The following ARHGEF3 variants were observed in gnomAD, a reference collection of about 807,000 sequenced individuals.
ARHGEF3 encodes 59.8 kDA protein.
In ARHGEF3, 28 loss-of-function variants were observed where a neutral mutation model predicts 63.2. The ratio of observed to expected loss-of-function variants is 0.44; its 90% CI spans 0.33 to 0.61. ARHGEF3 has a LOEUF of 0.61. Ranked by LOEUF, ARHGEF3 falls within the 20% of genes least tolerant of loss-of-function variation. The probability of loss-of-function intolerance (pLI) is 0.03; values close to 1 mark genes in which losing one functional copy is unlikely to be tolerated. For missense variants in ARHGEF3, 533 were observed against 659.3 expected, an observed-to-expected ratio of 0.81 and a Z score of 2.10; for synonymous variants, 266 against 254.2, an observed-to-expected ratio of 1.05 and a Z score of -0.44.
At chr3:57,043,916 C>T (rs7647162) in intron 1 of ARHGEF3, among the ~76,000 whole-genome samples, 113,763 of 152,208 alleles carry the variant, frequency 0.75, 43,144 homozygotes, top group East Asian at 0.94. Flanking sequence ...CATCCCTGGA[C>T]GCCAAACACT....
intron 7 of ARHGEF3, among the ~76,000 whole-genome samples, chr3:56,743,916 G>A (rs1316682888): frequency 2.0e-5 from 3 of 152,064 alleles, no homozygotes; most frequent in African/African-American, 7.2e-5. Flanking sequence ...TCTACCAAGA[G>A]TATGTGTCCA....
intron 2 of ARHGEF3, among the ~76,000 whole-genome samples, chr3:56,764,568 C>T (rs2035599650): frequency 6.6e-6 from 1 of 152,052 alleles, no homozygotes; most frequent in African/African-American, 2.4e-5. Context: ...ACCTTGGGTA[C>T]AATTTTAAAC....
At chr3:56,746,255 GCTCT>G (rs1466167177) in intron 6 of ARHGEF3, among the ~76,000 whole-genome samples, 1 of 152,202 alleles carries the variant, frequency 6.6e-6, no homozygotes, top group Non-Finnish European at 1.5e-5. Flanking sequence ...TGTAACACCT[GCTCT>G]TCAGAGGGAT....
At chr3:57,049,884 C>T (rs536597070) in intron 1 of ARHGEF3, among the ~76,000 whole-genome samples, 67 of 152,304 alleles carry the variant, frequency 4.4e-4, no homozygotes, top group Non-Finnish European at 8.8e-4. Context: ...TGCAAGGGCA[C>T]TACATTAATC....
At chr3:56,890,155 C>T (rs567835504) in intron 3 of ARHGEF3, among the ~76,000 whole-genome samples, 1 of 152,270 alleles carries the variant, frequency 6.6e-6, no homozygotes, top group South Asian at 2.1e-4. Flanking sequence ...ACCTACATAC[C>T]TCAAAGAAAC....
chr3:56,729,081 G>C lies in ARHGEF3; in HGVS notation c.*189C>G. On this transcript the variant is annotated 3_prime_UTR_variant, in exon 10 of 10. Coordinates refer to ENST00000296315, the MANE Select transcript of ARHGEF3 (RefSeq NM_019555.3). ...ACAACACAGGGTAATAGTTGCCACA[G>C]ATTCCAGCTTACACAGACAGATTGG... The C allele has an allele frequency of 1.7e-6, 1 of 579,022 alleles. No individual in the cohort carries two copies. Among genetic ancestry groups the C allele is most frequent in the Non-Finnish European group, 3.0e-6 (1 of 331,720 alleles). 35.9% of individuals were successfully genotyped at this position (579,022 alleles called of 1,614,324 possible). A position where few individuals can be genotyped will look rare whatever the true frequency, so the allele number is the denominator to read the frequency against.
In ARHGEF3 at chr3:56,992,401, A is replaced by AC. The variant is rs1560113717; in HGVS notation, c.63-33513_63-33512insG. On this transcript the variant is annotated intron_variant, in intron 2 of 12. Transcript: ENST00000338458. ...AAAAAAAAAAAAAAAAAAAAAAAAA[A>AC]AAAAAAAAAAAAACAGAAAGAAGGT... 1.6e-4 allele frequency among the ~76,000 whole-genome samples: 23 copies of AC among 143,066 alleles called. 1 individual carries two copies. The highest frequency in any genetic ancestry group is 3.5e-4 in the Non-Finnish European group (23 of 66,170). 93.9% of individuals were successfully genotyped at this position (143,066 alleles called of 152,430 possible).
chr3:56,826,150 A>G (rs2038706054), intron 4 of ARHGEF3, among the ~76,000 whole-genome samples: 1 of 152,236 alleles, frequency 6.6e-6, no homozygotes, highest in South Asian at 2.1e-4. Context: ...CAACAAGGAA[A>G]AATGAAAGCT....
rs1303997831 is a variant in ARHGEF3 at position 56,883,985 on chromosome 3, T to G, written c.130-1631A>C. 5.0e-4 allele frequency among the ~76,000 whole-genome samples: 76 copies of G among 152,218 alleles called. 2 individuals carry two copies. Among genetic ancestry groups the G allele is most frequent in the Admixed American group, 5.0e-3 (76 of 15,288 alleles). On this transcript the variant is annotated intron_variant, in intron 3 of 12. Transcript: ENST00000338458. Reference sequence around the variant, plus strand: ...ACAAAGGTTTGTTGAGCATTTACTATGTGCTGGGCCCTGTGTTCACTCCCA... The same window carrying G: ...ACAAAGGTTTGTTGAGCATTTACTAGGTGCTGGGCCCTGTGTTCACTCCCA...
intron 3 of ARHGEF3, among the ~76,000 whole-genome samples, chr3:56,896,737 C>T (rs1457490057): frequency 6.6e-6 from 1 of 152,192 alleles, no homozygotes; most frequent in South Asian, 2.1e-4. Context: ...ATTCAGGTTG[C>T]ACATTCTAAA....
chr3:57,011,454 T>C (rs140323497), intron 2 of ARHGEF3, among the ~76,000 whole-genome samples: 1 of 152,222 alleles, frequency 6.6e-6, no homozygotes, highest in African/African-American at 2.4e-5. Context: ...TGTCTGGAGA[T>C]ATTTTCTTTT....
intron 1 of ARHGEF3, among the ~76,000 whole-genome samples, chr3:57,059,177 A>G (rs985993161): frequency 6.6e-6 from 1 of 152,156 alleles, no homozygotes; most frequent in Admixed American, 6.5e-5. Flanking sequence ...ATGCAATCAT[A>G]CTTAACTATG....
chr3:57,078,060 CAG>C (rs545276284), intron 1 of ARHGEF3, among the ~76,000 whole-genome samples: 2 of 152,152 alleles, frequency 1.3e-5, no homozygotes, highest in Non-Finnish European at 2.9e-5. Context: ...GCAGCTAACA[CAG>C]AGGATTTACC....
intron 4 of ARHGEF3, among the ~76,000 whole-genome samples, chr3:56,836,669 T>C (rs570138300): frequency 5.9e-5 from 9 of 152,274 alleles, no homozygotes; most frequent in African/African-American, 1.9e-4. Flanking sequence ...CTTACGCCTG[T>C]AGTCCCAGCA....
At chr3:57,057,537 A>G (rs993507810) in intron 1 of ARHGEF3, among the ~76,000 whole-genome samples, 4 of 152,142 alleles carry the variant, frequency 2.6e-5, no homozygotes, top group African/African-American at 9.7e-5. Flanking sequence ...GGTAGGGTAG[A>G]GTCTGAGCCG....
In ARHGEF3 at chr3:57,022,211, C is replaced by T. The variant is rs531472937; in HGVS notation, c.62+12877G>A. Among the ~76,000 whole-genome samples the T allele has an allele frequency of 1.6e-3, 250 of 152,090 alleles. 1 individual carries two copies. Among genetic ancestry groups the T allele is most frequent in the Non-Finnish European group, 2.4e-3 (165 of 67,962 alleles). On this transcript the variant is annotated intron_variant, in intron 2 of 12. Coordinates refer to the ARHGEF3 transcript ENST00000338458. ...ATTGCTTGAGCTCAGGAGTTTGAGG[C>T]TGCAGTGAGCTATGATCACCTCACT...
At chr3:56,954,795 TGTCAATA>T (rs1400505549) in intron 3 of ARHGEF3, among the ~76,000 whole-genome samples, 1 of 152,056 alleles carries the variant, frequency 6.6e-6, no homozygotes, top group Non-Finnish European at 1.5e-5. Flanking sequence ...GTAATATGAG[TGTCAATA>T]GCCTTTTCTG....
intron 3 of ARHGEF3, among the ~76,000 whole-genome samples, chr3:56,898,946 C>T (rs1185831170): frequency 2.0e-5 from 3 of 152,048 alleles, no homozygotes; most frequent in Non-Finnish European, 4.4e-5. Flanking sequence ...CCCAGCTACT[C>T]GGGAGGCTGA....
At chr3:56,916,223 C>T (rs1272028099) in intron 3 of ARHGEF3, 1 of 1,472,398 alleles carries the variant, frequency 6.8e-7, no homozygotes, top group Non-Finnish European at 9.0e-7. Context: ...TGCATCCTCC[C>T]ACACCTCAGA....
Sources: allele counts gnomAD v4.1 joint callset (sites outside exome capture counted in the v4.1 genomes callset), GRCh38; gene constraint gnomAD v4.1.1; transcripts MANE v1.5; gene names NCBI Gene and HGNC (gene_info 2026-07-23, HGNC 2026-07-21).